RALYL: variants seen among roughly 807,000 people sequenced by gnomAD.
RALYL encodes the protein RNA-binding Raly-like protein.
Under a neutral mutation model 35.1 loss-of-function variants are expected in RALYL, and 29 were observed. The observed-to-expected ratio is 0.83, with a 90% CI of 0.61 to 1.13. The LOEUF is 1.13. Among genes scored for constraint, RALYL ranks in the 50% most tolerant of loss-of-function variants. The pLI is 0.00. For missense variants in RALYL, 359 were observed against 360.4 expected (o/e 1.00, Z 0.03); for synonymous variants, 120 against 127.6 (o/e 0.94, Z 0.40).
intron 1 of RALYL, among the ~76,000 whole-genome samples, chr8:84,212,807 A>G (rs946732492): frequency 6.6e-6 from 1 of 152,184 alleles, no homozygotes; most frequent in African/African-American, 2.4e-5. Flanking sequence ...CTTTTCTTCA[A>G]TTACCTTTGC....
At chr8:84,566,322 T>C (rs994577493) in intron 2 of RALYL, among the ~76,000 whole-genome samples, 22 of 151,358 alleles carry the variant, frequency 1.5e-4, no homozygotes, top group African/African-American at 5.1e-4. Context: ...AAAAAGTTGG[T>C]GGGGCAGGGG....
intron 1 of RALYL, among the ~76,000 whole-genome samples, chr8:84,464,694 T>C (rs1475973383): frequency 6.6e-6 from 1 of 152,150 alleles, no homozygotes; most frequent in African/African-American, 2.4e-5. Context: ...TTTCCAGTTC[T>C]AGATCCCTAA....
At chr8:84,664,155 A>G (rs1831464678) in intron 2 of RALYL, among the ~76,000 whole-genome samples, 1 of 149,450 alleles carries the variant, frequency 6.7e-6, no homozygotes, top group African/African-American at 2.5e-5. Flanking sequence ...TGGGTTCTCT[A>G]TTATGTTCCA....
intron 2 of RALYL, among the ~76,000 whole-genome samples, chr8:84,773,193 T>C (rs1815972787): frequency 1.3e-5 from 2 of 152,208 alleles, no homozygotes; most frequent in Admixed American, 1.3e-4. Context: ...TGCAGTGTTC[T>C]TTTTCCATTT....
At chr8:84,464,985 G>T (rs1237372489) in intron 1 of RALYL, among the ~76,000 whole-genome samples, 1 of 114,632 alleles carries the variant, frequency 8.7e-6, no homozygotes, top group Admixed American at 9.1e-5. Context: ...TTTTGATGGG[G>T]TTGTTTGTTT....
intron 1 of RALYL, among the ~76,000 whole-genome samples, chr8:84,352,934 T>C (rs951281283): frequency 6.7e-6 from 1 of 150,122 alleles, no homozygotes; most frequent in African/African-American, 2.5e-5. Flanking sequence ...ATACTGTATT[T>C]GAATAATCTA....
At chr8:84,732,510 C>T (rs1846367634) in intron 2 of RALYL, among the ~76,000 whole-genome samples, 1 of 151,616 alleles carries the variant, frequency 6.6e-6, no homozygotes, top group Non-Finnish European at 1.5e-5. Context: ...ACTTCAGGGT[C>T]ACAAAGAACA....
At chr8:84,811,761 T>C (rs567463586) in intron 4 of RALYL, among the ~76,000 whole-genome samples, 1 of 152,346 alleles carries the variant, frequency 6.6e-6, no homozygotes, top group African/African-American at 2.4e-5. Context: ...TTTGAAGGCC[T>C]TGTCTTTGAA....
intron 4 of RALYL, among the ~76,000 whole-genome samples, chr8:84,824,065 A>C (rs926236879): frequency 6.6e-5 from 10 of 152,062 alleles, no homozygotes; most frequent in African/African-American, 2.2e-4. Flanking sequence ...AAAATAAACT[A>C]TCTCTCTTCA....
chr8:84,824,165 T>C (rs1829134676), intron 4 of RALYL, among the ~76,000 whole-genome samples: 1 of 151,962 alleles, frequency 6.6e-6, no homozygotes, highest in Non-Finnish European at 1.5e-5. Flanking sequence ...AGTTTCAGCC[T>C]ACAAAATCAG....
chr8:84,364,462 G>A (rs968649976), intron 1 of RALYL, among the ~76,000 whole-genome samples: 1 of 152,076 alleles, frequency 6.6e-6, no homozygotes, highest in South Asian at 2.1e-4. Context: ...AAATTTATTG[G>A]CATAAGTTGG....
intron 2 of RALYL, among the ~76,000 whole-genome samples, chr8:84,683,544 A>G (rs1041014045): frequency 6.6e-6 from 1 of 151,990 alleles, no homozygotes; most frequent in African/African-American, 2.4e-5. Context: ...GGTGCATATA[A>G]GATTCATACT....
intron 1 of RALYL, among the ~76,000 whole-genome samples, chr8:84,523,092 C>T (rs1355601962): frequency 2.0e-5 from 3 of 151,962 alleles, no homozygotes; most frequent in Admixed American, 2.0e-4. Context: ...TACCAATTTA[C>T]TGTATTAGTC....
chr8:84,505,586 G>T (rs191946560), intron 1 of RALYL, among the ~76,000 whole-genome samples: 36 of 152,068 alleles, frequency 2.4e-4, no homozygotes, highest in African/African-American at 8.4e-4. Flanking sequence ...AGGTTCAGGG[G>T]ATACATGTGC....
intron 2 of RALYL, among the ~76,000 whole-genome samples, chr8:84,535,398 G>C (rs2059529410): frequency 6.7e-6 from 1 of 150,320 alleles, no homozygotes; most frequent in East Asian, 1.9e-4. Context: ...TGTTTGTGGA[G>C]CCTGTCCTGT....
At chr8:84,775,966 C>A (rs1816743605) in intron 3 of RALYL, among the ~76,000 whole-genome samples, 1 of 152,142 alleles carries the variant, frequency 6.6e-6, no homozygotes, top group Non-Finnish European at 1.5e-5. Context: ...GATCTCCTGT[C>A]ATCCTATTTA....
At chr8:84,376,183 C>A (rs1033668100) in intron 1 of RALYL, among the ~76,000 whole-genome samples, 4 of 151,784 alleles carry the variant, frequency 2.6e-5, no homozygotes, top group African/African-American at 9.7e-5. Flanking sequence ...ACTCAAGGAA[C>A]AAGGGCAGGC....
chr8:84,461,049 T>C (rs957424651), intron 1 of RALYL, among the ~76,000 whole-genome samples: 2 of 151,650 alleles, frequency 1.3e-5, no homozygotes, highest in Non-Finnish European at 3.0e-5. Context: ...GCATTTTGAA[T>C]ATATCTTAGT....
chr8:84,421,075 T>C (rs966055130), intron 1 of RALYL, among the ~76,000 whole-genome samples: 1 of 139,254 alleles, frequency 7.2e-6, no homozygotes, highest in African/African-American at 2.8e-5. Flanking sequence ...TTTTTCCAAT[T>C]CTGTGAAGAA....
Sources: gnomAD v4.1 joint callset for allele counts (sites outside exome capture counted in the v4.1 genomes callset) on GRCh38, gnomAD v4.1.1 for gene constraint, MANE v1.5 for transcripts, NCBI Gene and HGNC (gene_info 2026-07-23, HGNC 2026-07-21) for gene names.